Variants in GUCD1 observed in about 807,000 individuals in gnomAD.
The protein encoded by GUCD1 is protein GUCD1.
GUCD1 carries 17 observed loss-of-function variants against 28.3 expected under a neutral mutation model. The ratio of observed to expected loss-of-function variants is 0.60; its 90% CI spans 0.41 to 0.90. The LOEUF is 0.90. GUCD1 is among the 40% of genes least tolerant of loss of function. The probability of loss-of-function intolerance (pLI) is 0.00; values close to 1 mark genes in which losing one functional copy is unlikely to be tolerated. For synonymous variants in GUCD1, 129 were observed against 123.3 expected, an observed-to-expected ratio of 1.05 and a Z score of -0.30; for missense variants, 279 against 305.5, an observed-to-expected ratio of 0.91 and a Z score of 0.65.
chr22:24,552,663 G>A (rs60425433), intron 1 of GUCD1, among the ~76,000 whole-genome samples: 1 of 151,916 alleles, frequency 6.6e-6, no homozygotes, highest in Non-Finnish European at 1.5e-5. Flanking sequence ...CCAGCTACTC[G>A]GGAGGCTGAG....
intron 1 of GUCD1, among the ~76,000 whole-genome samples, chr22:24,551,484 C>T (rs738820): frequency 0.73 from 110,897 of 152,102 alleles, 42,255 homozygotes; most frequent in East Asian, 0.85. Flanking sequence ...TAACCTGGCC[C>T]GCCAGCCTCA....
intron 1 of GUCD1, among the ~76,000 whole-genome samples, chr22:24,549,948 G>C (rs1007591970): frequency 6.6e-6 from 1 of 152,212 alleles, no homozygotes; most frequent in Non-Finnish European, 1.5e-5. Flanking sequence ...GGACCACCAG[G>C]GTGTGAGACC....
chr22:24,549,650 G>A (rs930232214), intron 1 of GUCD1, among the ~76,000 whole-genome samples: 3 of 152,130 alleles, frequency 2.0e-5, no homozygotes, highest in Admixed American at 2.0e-4. Flanking sequence ...GCAGCCTGTA[G>A]TCCACAGGCG....
intron 1 of GUCD1, among the ~76,000 whole-genome samples, chr22:24,550,924 C>T (rs912238750): frequency 2.0e-5 from 3 of 152,296 alleles, no homozygotes; most frequent in Admixed American, 6.5e-5. Context: ...TGTCTGTGCC[C>T]TCCTGTGTTG....
intron 5 of GUCD1, among the ~76,000 whole-genome samples, chr22:24,543,343 C>A (rs976126201): frequency 6.6e-6 from 1 of 152,182 alleles, no homozygotes; most frequent in Admixed American, 6.5e-5. Context: ...GTGCTCCAGG[C>A]CACATAGACG....
At chr22:24,547,655 T>G in intron 3 of GUCD1, 1 of 475,484 alleles carries the variant, frequency 2.1e-6, no homozygotes, top group South Asian at 2.7e-5. Flanking sequence ...CTGAGGGCTG[T>G]AGAAGGCAGG....
rs2044624260 is a variant in GUCD1 at position 24,542,752 on chromosome 22, AGTCAAGGCTTGGG to A, written c.*241_*253del. 2.2e-6 allele frequency: 1 copy of A among 455,380 alleles called. No homozygotes were observed. The highest frequency in any genetic ancestry group is 2.0e-5 in the African/African-American group (1 of 50,282). 28.2% of individuals were successfully genotyped at this position (455,380 alleles called of 1,614,324 possible). A position where few individuals can be genotyped will look rare whatever the true frequency, so the allele number is the denominator to read the frequency against. On this transcript the variant is annotated 3_prime_UTR_variant, in exon 6 of 6. Transcript: ENST00000435822. ...CTGGACTTCCTGTGGGCGCAGCTGG[AGTCAAGGCTTGGG>A]GTCTTGGGGTATGCTTCCAGCAGCC... is the stretch of plus-strand genomic sequence containing the variant.
At chr22:24,547,541 G>A (rs562089487) in intron 3 of GUCD1, among the ~76,000 whole-genome samples, 2 of 152,338 alleles carry the variant, frequency 1.3e-5, no homozygotes, top group East Asian at 3.9e-4. Context: ...GTAAAAAAAT[G>A]TGCAAATGAT....
chr22:24,547,797 A>C, intron 3 of GUCD1, 111 bp downstream of exon 3: 1 of 1,115,056 alleles, frequency 9.0e-7, no homozygotes, highest in Non-Finnish European at 1.3e-6. Flanking sequence ...ACACCTGGGT[A>C]TCTACCTGGG....
At chr22:24,547,866 T>A in intron 3 of GUCD1, 42 bp downstream of exon 3, 1 of 1,608,992 alleles carries the variant, frequency 6.2e-7, no homozygotes, top group Non-Finnish European at 8.5e-7. Flanking sequence ...CTTATACCTC[T>A]GTGTGGCCCC....
At chr22:24,547,271 G>A (rs2044751565) in intron 3 of GUCD1, 3 of 460,016 alleles carry the variant, frequency 6.5e-6, no homozygotes, top group Non-Finnish European at 1.2e-5. Context: ...TCTCTGGGGA[G>A]GATCGATCAC....
chr22:24,551,161 G>T (rs2044861657), intron 1 of GUCD1, among the ~76,000 whole-genome samples: 1 of 152,188 alleles, frequency 6.6e-6, no homozygotes, highest in South Asian at 2.1e-4. Context: ...AAAGCCCTTT[G>T]CAGGTGCTAA....
At position 24,544,072 on chromosome 22, in the gene GUCD1, A is replaced by G; in HGVS notation, c.398T>C (p.Val133Ala). Residue 133 changes from valine (V) to alanine (A), a missense_variant, in exon 5 of 6, where the codon GTG (valine) becomes GCG (alanine). Val to Ala is a moderately conservative substitution (Grantham distance 64, BLOSUM62 0). Transcript: ENST00000435822. ...KVLVEKCTVS[V>A]KDIQAHLAQG... Reference sequence around the variant, plus strand: ...AGCCAGGTGCGCCTGGATGTCCTTCACACTCACTGTGCTGTGGGCGGGAGG... The same window carrying G: ...AGCCAGGTGCGCCTGGATGTCCTTCGCACTCACTGTGCTGTGGGCGGGAGG... The G allele has an allele frequency of 1.2e-6, 2 of 1,610,654 alleles. No homozygotes were observed.
At chr22:24,545,432 T>C (rs1422247325) in intron 4 of GUCD1, among the ~76,000 whole-genome samples, 2 of 151,398 alleles carry the variant, frequency 1.3e-5, no homozygotes, top group Non-Finnish European at 2.9e-5. Context: ...ATGCTGGGGG[T>C]GACCTTGGGT....
At chr22:24,555,510 TCTC>T, upstream of GUCD1, 1 of 1,349,062 alleles carries the variant, frequency 7.4e-7, no homozygotes, top group Non-Finnish European at 1.0e-6. Context: ...CCCAAGCAAC[TCTC>T]CTCCAACTGT....
chr22:24,547,981 A>T lies in GUCD1; in HGVS notation c.221T>A (p.Leu74Gln). The stretch of plus-strand genomic sequence containing the variant: ...GTGCCTCACGCCAAAGTGGTGCATC[A>T]GGTAGGCCAGGTCGATGGTCCAGAT... ...RSIWTIDLAY[L>Q]MHHFGVRHRF... is the part of the protein sequence containing the mutation. The change falls in exon 3 of 6, where the codon CTG (leucine) becomes CAG (glutamine). Residue 74 changes from leucine (L) to glutamine (Q), a missense_variant. Transcript: ENST00000435822. The T allele has an allele frequency of 6.2e-7, 1 of 1,614,192 alleles. No individual in the cohort carries two copies. The highest frequency in any genetic ancestry group is 1.3e-5 in the African/African-American group (1 of 75,068).
At chr22:24,552,654 C>T (rs2044910418) in intron 1 of GUCD1, among the ~76,000 whole-genome samples, 1 of 151,886 alleles carries the variant, frequency 6.6e-6, no homozygotes, top group South Asian at 2.1e-4. Flanking sequence ...CCTCTTATCC[C>T]AGCTACTCGG....
chr22:24,555,748 G>T (rs2045045354), upstream of GUCD1: 1 of 1,550,646 alleles, frequency 6.4e-7, no homozygotes, highest in Non-Finnish European at 8.7e-7. Context: ...TTGGTGTGGG[G>T]TGCTTGGAAG....
At chr22:24,551,458 T>G (rs1399423556) in intron 1 of GUCD1, among the ~76,000 whole-genome samples, 1 of 152,202 alleles carries the variant, frequency 6.6e-6, no homozygotes, top group African/African-American at 2.4e-5. Flanking sequence ...TTCTCATCCC[T>G]TACCGGGGCC....
Sources: allele counts gnomAD v4.1 joint callset (sites outside exome capture counted in the v4.1 genomes callset), GRCh38; gene constraint gnomAD v4.1.1; transcripts MANE v1.5; gene names NCBI Gene and HGNC (gene_info 2026-07-23, HGNC 2026-07-21).